Variants in TMEM108 observed in about 807,000 individuals in gnomAD.
TMEM108 encodes the protein transmembrane protein 108, also known as cancer/testis antigen 124.
In TMEM108, 12 loss-of-function variants were observed where a neutral mutation model predicts 35.1. The observed-to-expected ratio is 0.34, with a 90% CI of 0.22 to 0.55. TMEM108 has a LOEUF of 0.55. TMEM108 is among the 20% of genes least tolerant of loss of function. The pLI is 0.89. For synonymous variants in TMEM108, 287 were observed against 308.6 expected, an observed-to-expected ratio of 0.93 and a Z score of 0.73; for missense variants, 680 against 753.3, an observed-to-expected ratio of 0.90 and a Z score of 1.14.
intron 3 of TMEM108, among the ~76,000 whole-genome samples, chr3:133,296,900 A>G (rs1947153132): frequency 6.6e-6 from 1 of 152,188 alleles, no homozygotes; most frequent in Admixed American, 6.5e-5. Context: ...GGTACTAGCC[A>G]GTGAGAATGA....
intron 2 of TMEM108, among the ~76,000 whole-genome samples, chr3:133,205,892 T>C (rs1945745758): frequency 6.6e-6 from 1 of 152,322 alleles, no homozygotes; most frequent in Admixed American, 6.5e-5. Flanking sequence ...CTGAAGAGTG[T>C]TTTCCAACTT....
intron 4 of TMEM108, among the ~76,000 whole-genome samples, chr3:133,385,597 C>A (rs1305367632): frequency 6.6e-6 from 1 of 152,246 alleles, no homozygotes; most frequent in Non-Finnish European, 1.5e-5. Context: ...ATGGGCGAAT[C>A]CTTTCCCTCA....
chr3:133,201,159 G>A (rs773842364), intron 2 of TMEM108, among the ~76,000 whole-genome samples: 5 of 152,134 alleles, frequency 3.3e-5, no homozygotes, highest in Non-Finnish European at 5.9e-5. Context: ...CTGTATCAAA[G>A]TGTCTGTGTA....
At position 133,380,674 on chromosome 3, in the gene TMEM108, C is replaced by G. The variant is rs138606086; in HGVS notation, c.963C>G (p.His321Gln). 1 of 1,614,150 alleles carries G rather than the reference C, an allele frequency of 6.2e-7. No homozygotes were observed. Among genetic ancestry groups the G allele is most frequent in the Non-Finnish European group, 8.5e-7 (1 of 1,180,014 alleles). The part of the protein sequence containing the change: ...QAAPVPSQRP[H>Q]HGDPQDGPSH... ...CCCCAGTGCCTTCTCAGCGCCCCCA[C>G]CACGGTGACCCACAGGATGGCCCCA... Residue 321 changes from histidine (H) to glutamine (Q), a missense_variant, in exon 4 of 6, where the codon CAC becomes CAG. Physicochemically the swap from His to Gln is conservative, Grantham distance 24. This residue lies in a region of TMEM108 where 526 missense variants were observed against 532.1 expected (regional missense o/e 0.99). Transcript: ENST00000321871. The surrounding 1 kb of genome is among the most constrained non-coding windows in gnomAD (Gnocchi z 5.3).
At chr3:133,268,131 G>A (rs956650335) in intron 3 of TMEM108, among the ~76,000 whole-genome samples, 6 of 152,190 alleles carry the variant, frequency 3.9e-5, no homozygotes, top group African/African-American at 1.4e-4. Flanking sequence ...TTCATGTGTG[G>A]GCATCACGAA....
intron 3 of TMEM108, among the ~76,000 whole-genome samples, chr3:133,310,378 T>G (rs2071108978): frequency 6.6e-6 from 1 of 152,112 alleles, no homozygotes; most frequent in Non-Finnish European, 1.5e-5. Flanking sequence ...TTATGAATCT[T>G]GGTGCTCCTG....
chr3:133,221,849 C>T (rs961908881), intron 2 of TMEM108, among the ~76,000 whole-genome samples: 2 of 151,990 alleles, frequency 1.3e-5, no homozygotes, highest in East Asian at 3.9e-4. Context: ...TTTGATGTTA[C>T]AGTTTACATC....
At chr3:133,227,440 G>T (rs1449398144) in intron 2 of TMEM108, among the ~76,000 whole-genome samples, 1 of 149,334 alleles carries the variant, frequency 6.7e-6, no homozygotes, top group South Asian at 2.1e-4. Context: ...TGATCCGCCC[G>T]CCTCGGCCTC....
chr3:133,141,604 A>G (rs549758414), intron 2 of TMEM108, among the ~76,000 whole-genome samples: 206 of 152,322 alleles, frequency 1.4e-3, no homozygotes, highest in Non-Finnish European at 2.4e-3. Flanking sequence ...AACTGGATGA[A>G]GTGTAAGCCA....
chr3:133,311,442 T>C (rs1383207145), intron 3 of TMEM108, among the ~76,000 whole-genome samples: 3 of 152,212 alleles, frequency 2.0e-5, no homozygotes, highest in Non-Finnish European at 2.9e-5. Context: ...ACTTGTCTTC[T>C]CAGTTTATTT....
chr3:133,366,348 A>G (rs2072499627), intron 3 of TMEM108, among the ~76,000 whole-genome samples: 1 of 152,194 alleles, frequency 6.6e-6, no homozygotes, highest in Non-Finnish European at 1.5e-5. Flanking sequence ...TTTATCTGGG[A>G]TACACAAAGC....
intron 3 of TMEM108, among the ~76,000 whole-genome samples, chr3:133,250,710 A>G (rs539841940): frequency 1.3e-5 from 2 of 152,310 alleles, no homozygotes; most frequent in Middle Eastern, 3.4e-3. Context: ...ATGTTAAACA[A>G]TTGTGTTTTT....
At chr3:133,052,063 G>C (rs1426088801) in intron 2 of TMEM108, among the ~76,000 whole-genome samples, 1 of 152,066 alleles carries the variant, frequency 6.6e-6, no homozygotes, top group Non-Finnish European at 1.5e-5. Context: ...GGATTTTGTT[G>C]ATTCTACAGA....
intron 5 of TMEM108, 132 bp downstream of exon 5, chr3:133,390,466 A>C: frequency 9.6e-7 from 1 of 1,036,594 alleles, no homozygotes; most frequent in Non-Finnish European, 1.4e-6. Context: ...AATAACACCC[A>C]AGAGGTTGTA....
chr3:133,154,817 A>C (rs1442813610), intron 2 of TMEM108, among the ~76,000 whole-genome samples: 1 of 152,188 alleles, frequency 6.6e-6, no homozygotes, highest in Non-Finnish European at 1.5e-5. Flanking sequence ...CACATGTAAC[A>C]AACCTGCACG....
At chr3:133,378,524 G>T in intron 3 of TMEM108, 1 of 985,496 alleles carries the variant, frequency 1.0e-6, no homozygotes, top group African/African-American at 1.7e-5. Flanking sequence ...GGATGACAAA[G>T]AAGGGGATCC....
chr3:133,095,473 T>C (rs539334838), intron 2 of TMEM108, among the ~76,000 whole-genome samples: 1 of 152,302 alleles, frequency 6.6e-6, no homozygotes. Flanking sequence ...ACATGTATTG[T>C]GTACTTTATT....
intron 3 of TMEM108, among the ~76,000 whole-genome samples, chr3:133,307,234 G>A (rs1158259143): frequency 6.6e-6 from 1 of 151,996 alleles, no homozygotes; most frequent in Admixed American, 6.6e-5. Context: ...TTTTTTTCTT[G>A]TAAATTTGTT....
intron 3 of TMEM108, among the ~76,000 whole-genome samples, chr3:133,296,246 G>A (rs1264213232): frequency 6.6e-6 from 1 of 152,114 alleles, no homozygotes; most frequent in Non-Finnish European, 1.5e-5. Flanking sequence ...AGTAATAGAA[G>A]AATCGTTAAA....
Sources: gnomAD v4.1 joint callset for allele counts (sites outside exome capture counted in the v4.1 genomes callset) on GRCh38, gnomAD v4.1.1 for gene constraint, gnomAD v4.1.1 regional missense constraint, Gnocchi (gnomAD v3.1) non-coding constraint, MANE v1.5 for transcripts, NCBI Gene and HGNC (gene_info 2026-07-23, HGNC 2026-07-21) for gene names.